Variants in MINDY2 observed in about 807,000 individuals in gnomAD.
MINDY2 encodes ubiquitin carboxyl-terminal hydrolase MINDY-2.
MINDY2 carries 52 observed loss-of-function variants against 68.2 expected under a neutral mutation model. That is an observed-to-expected ratio of 0.76 (90% CI 0.61 to 0.96). The LOEUF (loss-of-function observed/expected upper bound fraction) is 0.96, where lower values mean the gene tolerates loss of function less well. Ranked by LOEUF, MINDY2 falls within the 40% of genes least tolerant of loss-of-function variation. The pLI, the probability that MINDY2 is intolerant of heterozygous loss-of-function variation, is 0.00. For missense variants in MINDY2, 881 were observed against 773.4 expected (o/e 1.14, Z -1.65); for synonymous variants, 372 against 303.0 (o/e 1.23, Z -2.36).
chr15:58,836,673 C>A (rs540547307), intron 6 of MINDY2, among the ~76,000 whole-genome samples: 15 of 152,140 alleles, frequency 9.9e-5, no homozygotes, highest in African/African-American at 3.4e-4. Context: ...GGCTTGAGTG[C>A]GCTGCTGCAA....
At chr15:58,831,500 A>T (rs935997190) in intron 5 of MINDY2, among the ~76,000 whole-genome samples, 8 of 152,144 alleles carry the variant, frequency 5.3e-5, no homozygotes, top group Admixed American at 2.6e-4. Flanking sequence ...AACCTGCATG[A>T]AATCCTTTGT....
intron 6 of MINDY2, among the ~76,000 whole-genome samples, chr15:58,844,006 T>A (rs572019358): frequency 0.05 from 5,210 of 103,848 alleles, 256 homozygotes; most frequent in African/African-American, 0.13. Context: ...CATTAAAACC[T>A]ATTCTATATT....
In MINDY2 at chr15:58,857,096, A is replaced by C. The variant is rs1444542818; in HGVS notation, c.*2486A>C. On this transcript the variant is annotated 3_prime_UTR_variant, in exon 9 of 9. Transcript: ENST00000559228. Reference sequence around the variant, plus strand: ...AGCCTTTTTCTATGTAATATTTCCAAGTCAGACTTTCTTACATTCCTGGAA... The same window carrying C: ...AGCCTTTTTCTATGTAATATTTCCACGTCAGACTTTCTTACATTCCTGGAA... The C allele has an allele frequency of 6.6e-6, 1 of 152,240 alleles. No homozygotes were observed. The allele number at this position is 152,240 out of a possible 1,614,324, so 9.4% of individuals were successfully genotyped here. A position where few individuals can be genotyped will look rare whatever the true frequency, so the allele number is the denominator to read the frequency against.
intron 2 of MINDY2, among the ~76,000 whole-genome samples, chr15:58,800,414 G>C (rs1301569362): frequency 6.6e-6 from 1 of 151,604 alleles, no homozygotes; most frequent in East Asian, 1.9e-4. Flanking sequence ...AGATCCCTGT[G>C]ATCTTTTATA....
chr15:58,778,814 T>C (rs1158386904), intron 1 of MINDY2, among the ~76,000 whole-genome samples: 4 of 142,816 alleles, frequency 2.8e-5, no homozygotes, highest in Non-Finnish European at 6.1e-5. Flanking sequence ...TTTTTTCTTT[T>C]TTTTTTTTTT....
chr15:58,795,142 C>G (rs1055465884), intron 2 of MINDY2, among the ~76,000 whole-genome samples: 1 of 151,546 alleles, frequency 6.6e-6, no homozygotes, highest in Non-Finnish European at 1.5e-5. Context: ...CGCTACTGCA[C>G]TCCAGCCTGG....
chr15:58,846,374 A>G (rs2141057062), intron 6 of MINDY2, among the ~76,000 whole-genome samples: 1 of 152,198 alleles, frequency 6.6e-6, no homozygotes. Flanking sequence ...CGGGTGGATC[A>G]CGAGGTCAGG....
intron 1 of MINDY2, among the ~76,000 whole-genome samples, chr15:58,776,994 T>A (rs1457624889): frequency 2.6e-5 from 4 of 152,194 alleles, no homozygotes; most frequent in African/African-American, 9.7e-5. Context: ...TGTAAAGCAT[T>A]TGACCCGGTG....
intron 6 of MINDY2, among the ~76,000 whole-genome samples, chr15:58,841,121 A>T (rs1225964428): frequency 6.6e-6 from 1 of 151,514 alleles, no homozygotes; most frequent in African/African-American, 2.4e-5. Flanking sequence ...AGCTGGGATT[A>T]TAGGCGCGCA....
At position 58,827,230 on chromosome 15, in the gene MINDY2, T is replaced by C. The variant is rs532019572; in HGVS notation, c.1226-4544T>C. Among the ~76,000 whole-genome samples the C allele has an allele frequency of 1.2e-4, 18 of 152,350 alleles. No individual in the cohort carries two copies. In the East Asian group the frequency reaches 1.9e-3, roughly 16 times the overall value. ...TCCTTTTCCCTTGGTAGTTAATAAG[T>C]CACCTGTGATATTATTCTTTGAACT... On this transcript the variant is annotated intron_variant, in intron 5 of 8. Coordinates refer to ENST00000559228, the MANE Select transcript of MINDY2 (RefSeq NM_001040450.3).
chr15:58,832,312 T>G (rs2031768575), intron 6 of MINDY2, among the ~76,000 whole-genome samples: 1 of 147,376 alleles, frequency 6.8e-6, no homozygotes, highest in African/African-American at 2.5e-5. Context: ...CTGCAACCTC[T>G]GCCTCCCAGG....
intron 6 of MINDY2, among the ~76,000 whole-genome samples, chr15:58,839,201 G>A (rs938697063): frequency 1.3e-5 from 2 of 152,030 alleles, no homozygotes; most frequent in African/African-American, 4.8e-5. Flanking sequence ...TTTGACAAGA[G>A]GGGAAGGGAG....
intron 2 of MINDY2, among the ~76,000 whole-genome samples, chr15:58,799,040 C>A (rs1354579370): frequency 6.6e-6 from 1 of 152,078 alleles, no homozygotes; most frequent in African/African-American, 2.4e-5. Context: ...TTGGGAATCA[C>A]TGGTGAGAGG....
intron 3 of MINDY2, among the ~76,000 whole-genome samples, chr15:58,806,938 T>A (rs1329640830): frequency 6.6e-6 from 1 of 152,218 alleles, no homozygotes; most frequent in African/African-American, 2.4e-5. Flanking sequence ...GACTGCAGTA[T>A]AACAATGTTA....
chr15:58,793,651 A>G (rs892548792), intron 2 of MINDY2, among the ~76,000 whole-genome samples: 10 of 152,162 alleles, frequency 6.6e-5, no homozygotes, highest in Non-Finnish European at 8.8e-5. Context: ...ACTTTATACA[A>G]ATAGAAAAAT....
chr15:58,801,928 C>A (rs7168421), intron 2 of MINDY2, among the ~76,000 whole-genome samples: 8,804 of 152,240 alleles, frequency 0.058, 586 homozygotes, highest in African/African-American at 0.16. Flanking sequence ...AGATGCCAAA[C>A]TTCTTTTTTT....
intron 2 of MINDY2, among the ~76,000 whole-genome samples, chr15:58,793,525 T>C (rs1223419495): frequency 2.0e-5 from 3 of 152,180 alleles, no homozygotes; most frequent in Non-Finnish European, 4.4e-5. Flanking sequence ...CCTGTGAATA[T>C]ACAACAAAAA....
intron 7 of MINDY2, among the ~76,000 whole-genome samples, chr15:58,848,971 A>G (rs2032679500): frequency 6.6e-6 from 1 of 152,136 alleles, no homozygotes; most frequent in Non-Finnish European, 1.5e-5. Context: ...GCACTTTGAG[A>G]GGCTGAGGCA....
rs58374538 is a variant in MINDY2, at chr15:58,787,140, C to CTTTTTTTT, written c.841-749_841-742dup. 1.7e-4 allele frequency among the ~76,000 whole-genome samples: 13 copies of CTTTTTTTT among 78,148 alleles called. 1 individual carries two copies. Among genetic ancestry groups the CTTTTTTTT allele is most frequent in the East Asian group, 7.6e-4 (2 of 2,640 alleles). The allele number at this position is 78,148 out of a possible 152,430, so 51.3% of individuals were successfully genotyped here. A position where few individuals can be genotyped will look rare whatever the true frequency, so the allele number is the denominator to read the frequency against. ...CCCATATGCCCAGCCCATTTCTTTA[C>CTTTTTTTT]TTTTTTTTTTTTTTTTTTTTTTTTA... On this transcript the variant is annotated intron_variant, in intron 1 of 8. Coordinates refer to ENST00000559228, the MANE Select transcript of MINDY2 (RefSeq NM_001040450.3).
Sources: allele counts gnomAD v4.1 joint callset (sites outside exome capture counted in the v4.1 genomes callset), GRCh38; gene constraint gnomAD v4.1.1; transcripts MANE v1.5; gene names NCBI Gene and HGNC (gene_info 2026-07-23, HGNC 2026-07-21).